GLRA1: variants seen among roughly 807,000 people sequenced by gnomAD.
GLRA1 encodes glycine receptor subunit alpha-1.
In GLRA1, 37 loss-of-function variants were observed where a neutral mutation model predicts 48.3. That is an observed-to-expected ratio of 0.77 (90% CI 0.59 to 1.01). The LOEUF (loss-of-function observed/expected upper bound fraction) is 1.01, where lower values mean the gene tolerates loss of function less well. Ranked by LOEUF, GLRA1 falls within the 50% of genes least tolerant of loss-of-function variation. The pLI, the probability that GLRA1 is intolerant of heterozygous loss-of-function variation, is 0.00. For synonymous variants in GLRA1, 196 were observed against 210.7 expected (o/e 0.93, Z 0.60); for missense variants, 427 against 571.0 (o/e 0.75, Z 2.57).
At chr5:151,887,860 GAGA>G (rs1753955195) in intron 2 of GLRA1, among the ~76,000 whole-genome samples, 1 of 152,252 alleles carries the variant, frequency 6.6e-6, no homozygotes, top group African/African-American at 2.4e-5. Context: ...GTCCAGGTGA[GAGA>G]AGTTCTGGAG....
chr5:151,851,077 C>G (rs1752893657), intron 7 of GLRA1, among the ~76,000 whole-genome samples: 1 of 152,024 alleles, frequency 6.6e-6, no homozygotes, highest in Non-Finnish European at 1.5e-5. Flanking sequence ...GTACTTAGCC[C>G]TAAAAGTGAA....
At chr5:151,838,232 C>T (rs1157250913) in intron 7 of GLRA1, among the ~76,000 whole-genome samples, 1 of 152,144 alleles carries the variant, frequency 6.6e-6, no homozygotes, top group Non-Finnish European at 1.5e-5. Context: ...CTTTGGGAGG[C>T]TGAGGCAGGT....
chr5:151,838,437 C>G (rs1161744204), intron 7 of GLRA1, among the ~76,000 whole-genome samples: 1 of 152,122 alleles, frequency 6.6e-6, no homozygotes, highest in East Asian at 1.9e-4. Flanking sequence ...TCACCGCACT[C>G]TAGCCTGGGC....
intron 1 of GLRA1, among the ~76,000 whole-genome samples, chr5:151,915,264 A>G (rs1217701340): frequency 1.3e-5 from 2 of 152,148 alleles, no homozygotes; most frequent in African/African-American, 4.8e-5. Flanking sequence ...TGGGGCTGAG[A>G]TGGGGCATCC....
At position 151,875,531 on chromosome 5, in the gene GLRA1, T is replaced by C. The variant is rs567132914; in HGVS notation, c.252+11190A>G. 11 of 152,278 alleles carry C rather than the reference T, an allele frequency of 7.2e-5. No homozygotes were observed. The South Asian group carries it at 2.3e-3, about 32-fold the overall frequency. The allele number at this position is 152,278 out of a possible 1,614,324, so 9.4% of individuals were successfully genotyped here. On this transcript the variant is annotated intron_variant, in intron 3 of 8. Coordinates refer to ENST00000274576, the MANE Select transcript of GLRA1 (RefSeq NM_000171.4). The stretch of plus-strand genomic sequence containing the variant: ...TGTTTTCTTGTATCTTGAGGCCTTA[T>C]TTGCAAATACCCAAAATGATGGATG...
intron 7 of GLRA1, among the ~76,000 whole-genome samples, chr5:151,830,528 T>G (rs1036545959): frequency 2.0e-5 from 3 of 152,310 alleles, no homozygotes; most frequent in South Asian, 4.1e-4. Context: ...GCTCTCACCT[T>G]TGGCTAACCT....
intron 1 of GLRA1, among the ~76,000 whole-genome samples, chr5:151,922,610 G>A (rs935226894): frequency 1.3e-5 from 2 of 152,230 alleles, no homozygotes; most frequent in South Asian, 2.1e-4. Flanking sequence ...TCATGTGTGC[G>A]TTCACGCACG....
chr5:151,843,597 AAGAC>A lies in GLRA1; in HGVS notation c.912+7789_912+7792del, dbSNP rs373998744. ...AATTTATATTTGTGTTCAAATGAAA[AAGAC>A]AGAGAGTAGCCAAAACAATCTTGAA... On this transcript the variant is annotated intron_variant, in intron 7 of 8. Coordinates refer to ENST00000274576, the MANE Select transcript of GLRA1 (RefSeq NM_000171.4). Among the ~76,000 whole-genome samples, 675 of 152,232 alleles carry A rather than the reference AAGAC, an allele frequency of 4.4e-3. 6 individuals carry two copies. Among genetic ancestry groups the A allele is most frequent in the African/African-American group, 0.015 (621 of 41,530 alleles).
At chr5:151,832,953 G>A (rs900432407) in intron 7 of GLRA1, among the ~76,000 whole-genome samples, 3 of 152,098 alleles carry the variant, frequency 2.0e-5, no homozygotes, top group Non-Finnish European at 4.4e-5. Context: ...CGGATCTCTC[G>A]GCAGAAACCC....
At chr5:151,873,436 G>C (rs1753538760) in intron 3 of GLRA1, among the ~76,000 whole-genome samples, 1 of 149,706 alleles carries the variant, frequency 6.7e-6, no homozygotes, top group South Asian at 2.1e-4. Flanking sequence ...TGACGGTGTG[G>C]ATAGCTTGAG....
chr5:151,913,288 A>G (rs961559024), intron 1 of GLRA1, among the ~76,000 whole-genome samples: 44 of 152,236 alleles, frequency 2.9e-4, no homozygotes, highest in African/African-American at 1.1e-3. Flanking sequence ...GCAGGATTCA[A>G]AATCAGATGA....
At chr5:151,889,530 C>T (rs919010884) in intron 2 of GLRA1, among the ~76,000 whole-genome samples, 1 of 152,190 alleles carries the variant, frequency 6.6e-6, no homozygotes, top group Non-Finnish European at 1.5e-5. Context: ...AGTTTCTTTG[C>T]CATTGTACTC....
intron 7 of GLRA1, among the ~76,000 whole-genome samples, chr5:151,831,364 C>T (rs548854586): frequency 1.2e-4 from 19 of 152,328 alleles, no homozygotes; most frequent in African/African-American, 4.6e-4. Flanking sequence ...CAGCAGATCC[C>T]ATCCCCACGG....
At chr5:151,840,851 A>G (rs1375731806) in intron 7 of GLRA1, among the ~76,000 whole-genome samples, 1 of 152,162 alleles carries the variant, frequency 6.6e-6, no homozygotes, top group African/African-American at 2.4e-5. Context: ...ATAAACATCT[A>G]TGCATCTAAC....
intron 3 of GLRA1, among the ~76,000 whole-genome samples, chr5:151,867,571 A>C (rs1019032525): frequency 6.6e-6 from 1 of 152,200 alleles, no homozygotes; most frequent in African/African-American, 2.4e-5. Context: ...AGGCCCTACT[A>C]TACAACAGGC....
chr5:151,891,374 A>G (rs1176493715), intron 2 of GLRA1, among the ~76,000 whole-genome samples: 1 of 152,246 alleles, frequency 6.6e-6, no homozygotes, highest in Non-Finnish European at 1.5e-5. Context: ...CATCTGGAGT[A>G]GAGTTTGTAA....
chr5:151,843,375 C>T (rs1752561569), intron 7 of GLRA1, among the ~76,000 whole-genome samples: 1 of 151,612 alleles, frequency 6.6e-6, no homozygotes, highest in African/African-American at 2.4e-5. Context: ...ATTCTCCTGC[C>T]TCAGCCTCCT....
chr5:151,901,358 A>G (rs139849122), intron 1 of GLRA1, among the ~76,000 whole-genome samples: 10 of 152,202 alleles, frequency 6.6e-5, no homozygotes, highest in Admixed American at 2.0e-4. Context: ...TGGCTTAAGC[A>G]TGGGGGCATC....
chr5:151,837,577 G>A (rs1270328125), intron 7 of GLRA1, among the ~76,000 whole-genome samples: 1 of 152,182 alleles, frequency 6.6e-6, no homozygotes, highest in Non-Finnish European at 1.5e-5. Context: ...GGCCACCAAT[G>A]ATAGACTGAT....
Sources: gnomAD v4.1 joint callset for allele counts (sites outside exome capture counted in the v4.1 genomes callset) on GRCh38, gnomAD v4.1.1 for gene constraint, MANE v1.5 for transcripts, NCBI Gene and HGNC (gene_info 2026-07-23, HGNC 2026-07-21) for gene names.